UBR3: variants seen among roughly 807,000 people sequenced by gnomAD.
UBR3 encodes ubiquitin protein ligase E3 component n-recognin 3.
Under a neutral mutation model 243.2 loss-of-function variants are expected in UBR3, and 85 were observed. The observed-to-expected ratio is 0.35, with a 90% CI of 0.29 to 0.42. UBR3 has a LOEUF of 0.42. Ranked by LOEUF, UBR3 falls within the 10% of genes least tolerant of loss-of-function variation. The pLI, the probability that UBR3 is intolerant of heterozygous loss-of-function variation, is 1.00. For synonymous variants in UBR3, 748 were observed against 799.8 expected (o/e 0.94, Z 1.09); for missense variants, 1,686 against 2,300.8 (o/e 0.73, Z 5.47).
chr2:169,947,340 A>G (rs2086823815), intron 21 of UBR3: 1 of 369,558 alleles, frequency 2.7e-6, no homozygotes, highest in East Asian at 4.0e-5. Context: ...ACATACCCAT[A>G]TTAGTATTGA....
At chr2:169,967,872 T>C (rs1459583886) in intron 24 of UBR3, among the ~76,000 whole-genome samples, 1 of 151,540 alleles carries the variant, frequency 6.6e-6, no homozygotes. Flanking sequence ...TATCTTCTTA[T>C]ATAAATATAT....
intron 1 of UBR3, among the ~76,000 whole-genome samples, chr2:169,847,920 G>C (rs372598123): frequency 5.4e-5 from 3 of 55,070 alleles, no homozygotes; most frequent in African/African-American, 1.1e-4. Context: ...GGAGCACTCT[G>C]TGTAGATTTC....
rs2085358361 is a variant in UBR3 at position 169,914,071 on chromosome 2, G to A, written c.1791G>A (p.Glu597=). 5 of 1,487,448 alleles carry A rather than the reference G, an allele frequency of 3.4e-6. No individual in the cohort carries two copies. Among genetic ancestry groups the A allele is most frequent in the Non-Finnish European group, 3.6e-6 (4 of 1,115,556 alleles). The allele number at this position is 1,487,448 out of a possible 1,614,324, so 92.1% of individuals were successfully genotyped here. A position where few individuals can be genotyped will look rare whatever the true frequency, so the allele number is the denominator to read the frequency against. ...LSHCKVRETQ[E]YTRNVVRYCL... The stretch of plus-strand genomic sequence containing the variant: ...ACTTACTATTTTAGGAAACTCAAGA[G>A]TATACCCGAAATGTTGTTAGATATT... Residue 597 remains glutamate (E), a synonymous_variant, in exon 11 of 39, where the codon GAG becomes GAA. Transcript: ENST00000272793.
Position 169,834,814 on chromosome 2 carries a change from T to G in UBR3, c.545+6762T>G, listed in dbSNP as rs370349391. 1.2e-4 allele frequency among the ~76,000 whole-genome samples: 18 copies of G among 152,340 alleles called. No homozygotes were observed. In the East Asian group the frequency reaches 3.1e-3, roughly 26 times the overall value. On this transcript the variant is annotated intron_variant, in intron 1 of 38. Transcript: ENST00000272793. ...AGCAATATGTGGAATATACGTACAA[T>G]GGAATATTTAACCTTAAAAAGTAAT...
At position 169,875,798 on chromosome 2, in the gene UBR3, T is replaced by C; in HGVS notation, c.693T>C (p.Asp231=). 1.3e-6 allele frequency: 2 copies of C among 1,522,860 alleles called. No individual in the cohort carries two copies. The highest frequency in any genetic ancestry group is 1.8e-6 in the Non-Finnish European group (2 of 1,138,102). 94.3% of individuals were successfully genotyped at this position (1,522,860 alleles called of 1,614,324 possible). ...TTTCTTTTTTTCTTTTAGCAGCTGA[T>C]GGACCATCAGAAAAGGACCTTAACA... ...LREGYNEPAA[D]GPSEKDLNKV... Residue 231 remains aspartate (D), a synonymous_variant, in exon 3 of 39, where the codon GAT becomes GAC. Transcript: ENST00000272793.
chr2:170,077,608 CAG>C (rs2091837836), intron 36 of UBR3: 2 of 496,518 alleles, frequency 4.0e-6, no homozygotes, highest in Admixed American at 7.6e-5. Context: ...AACTTTGAGA[CAG>C]AGTCTCACTC....
At chr2:169,930,845 T>C (rs1273329610) in intron 18 of UBR3, among the ~76,000 whole-genome samples, 1 of 152,060 alleles carries the variant, frequency 6.6e-6, no homozygotes, top group Non-Finnish European at 1.5e-5. Context: ...TTAAAGTGGG[T>C]GTGGGTAGTG....
chr2:169,896,337 T>C (rs1485372598), intron 7 of UBR3, among the ~76,000 whole-genome samples, 170 bp from the exon 8 acceptor site: 1 of 151,912 alleles, frequency 6.6e-6, no homozygotes, highest in African/African-American at 2.4e-5. Context: ...ATTTTGCAAA[T>C]GTTCCAAAAA....
chr2:170,074,422 G>T lies in UBR3; in HGVS notation c.5199+815G>T, dbSNP rs530993166. Among the ~76,000 whole-genome samples the T allele has an allele frequency of 4.6e-5, 7 of 152,176 alleles. No individual in the cohort carries two copies. In the South Asian group the frequency reaches 1.5e-3, roughly 32 times the overall value. The stretch of plus-strand genomic sequence containing the variant: ...AACATGCGGCTGCTTAAACACCATT[G>T]CTGATGCCCCATTGCCTATGGAAGA... On this transcript the variant is annotated intron_variant, in intron 36 of 38. Transcript: ENST00000272793.
intron 26 of UBR3, among the ~76,000 whole-genome samples, chr2:169,999,086 G>A (rs922297): frequency 0.53 from 81,266 of 152,046 alleles, 22,372 homozygotes; most frequent in Non-Finnish European, 0.62. Flanking sequence ...TAAAAGTTGT[G>A]TAGACGAATG....
intron 4 of UBR3, 67 bp from the exon 5 acceptor site, chr2:169,878,458 G>T (rs1224787404): frequency 2.8e-6 from 4 of 1,425,664 alleles, no homozygotes; most frequent in Non-Finnish European, 3.9e-6. Flanking sequence ...GTATTTCTCA[G>T]AATAATTTGA....
intron 5 of UBR3, among the ~76,000 whole-genome samples, chr2:169,890,571 A>ATATATATATGTATATATATATATG (rs2084323844): frequency 2.9e-5 from 3 of 105,006 alleles, no homozygotes; most frequent in African/African-American, 7.4e-5. Flanking sequence ...ATATGTGTAT[A>ATATATATATGTATATATATATATG]TATATATATG....
intron 29 of UBR3, 121 bp from the exon 30 acceptor site, chr2:170,015,160 C>A: frequency 4.3e-6 from 3 of 699,170 alleles, no homozygotes; most frequent in Non-Finnish European, 7.0e-6. Flanking sequence ...AACATAAAAA[C>A]TGCTTTTGCA....
intron 5 of UBR3, among the ~76,000 whole-genome samples, chr2:169,885,782 A>G (rs772842755): frequency 6.2e-4 from 94 of 152,324 alleles, no homozygotes; most frequent in Non-Finnish European, 6.2e-4. Flanking sequence ...ACACAATCCA[A>G]GTGAACAACA....
At chr2:170,040,016 T>C (rs886695984) in intron 31 of UBR3, among the ~76,000 whole-genome samples, 5 of 152,158 alleles carry the variant, frequency 3.3e-5, no homozygotes, top group African/African-American at 1.2e-4. Flanking sequence ...ATTACAGGCA[T>C]GAGACACCAC....
In UBR3 at chr2:169,896,572, T is replaced by A. The variant is rs980997495; in HGVS notation, c.1302T>A (p.His434Gln). 6 of 1,550,438 alleles carry A rather than the reference T, an allele frequency of 3.9e-6. No homozygotes were observed. The highest frequency in any genetic ancestry group is 2.7e-5 in the African/African-American group (2 of 73,030). Residue 434 changes from histidine to glutamine, a missense_variant, in exon 8 of 39, where the codon CAT (histidine) becomes CAA (glutamine). Around this residue, in one of 8 missense-constraint regions of UBR3, gnomAD observed 346 missense variants for 585.8 expected, o/e 0.59. Transcript: ENST00000272793. ...TTATGAAAACACTGAAGAAAAGTCA[T>A]GAATCAGACACAATGTCTAACAGAA... is the stretch of plus-strand genomic sequence containing the variant. ...AFIMKTLKKSHESDTMSNRIV... is the reference protein window; with the variant it reads ...AFIMKTLKKSQESDTMSNRIV...
At chr2:169,941,232 C>G (rs533977876) in intron 19 of UBR3, among the ~76,000 whole-genome samples, 3 of 152,290 alleles carry the variant, frequency 2.0e-5, no homozygotes, top group Admixed American at 2.0e-4. Context: ...AATGGTCCCC[C>G]TCTTATCCTC....
At chr2:169,958,182 T>C (rs1372860893) in intron 23 of UBR3, among the ~76,000 whole-genome samples, 1 of 152,246 alleles carries the variant, frequency 6.6e-6, no homozygotes, top group Admixed American at 6.5e-5. Flanking sequence ...CTATCTACCT[T>C]AATTATTATT....
intron 32 of UBR3, among the ~76,000 whole-genome samples, chr2:170,048,072 G>T (rs1212271639): frequency 2.6e-5 from 4 of 152,202 alleles, no homozygotes; most frequent in Non-Finnish European, 5.9e-5. Context: ...GTTTTCTAGA[G>T]CTGGCTTCTG....
Sources: allele counts gnomAD v4.1 joint callset (sites outside exome capture counted in the v4.1 genomes callset), GRCh38; gene constraint gnomAD v4.1.1; regional missense constraint gnomAD v4.1.1; transcripts MANE v1.5; gene names NCBI Gene and HGNC (gene_info 2026-07-23, HGNC 2026-07-21).